Variants in RASSF4 observed in about 807,000 individuals in gnomAD.
RASSF4 encodes Ras association domain family member 4.
Under a neutral mutation model 41.1 loss-of-function variants are expected in RASSF4, and 38 were observed. The observed-to-expected ratio is 0.92, with a 90% CI of 0.71 to 1.21. RASSF4 has a LOEUF of 1.21. Ranked by LOEUF, RASSF4 falls within the 50% of genes most tolerant of loss-of-function variation. The pLI, the probability that RASSF4 is intolerant of heterozygous loss-of-function variation, is 0.00. For synonymous variants in RASSF4, 179 were observed against 163.4 expected (o/e 1.10, Z -0.73); for missense variants, 414 against 419.4 (o/e 0.99, Z 0.11).
chr10:44,978,106 C>A (rs893313383), intron 3 of RASSF4: 1 of 1,514,174 alleles, frequency 6.6e-7, no homozygotes, highest in African/African-American at 1.4e-5. Context: ...CGTCCCACCG[C>A]CCCTCAGCGT....
intron 3 of RASSF4, chr10:44,981,402 G>A (rs113172900): frequency 2.0e-5 from 3 of 152,326 alleles, no homozygotes; most frequent in African/African-American, 7.2e-5. Flanking sequence ...ATATGGGCTG[G>A]ACAACGTTGT....
intron 3 of RASSF4, among the ~76,000 whole-genome samples, chr10:44,973,957 T>C (rs573069158): frequency 6.6e-6 from 1 of 152,364 alleles, no homozygotes; most frequent in Admixed American, 6.5e-5. Flanking sequence ...CCGGTCTCCA[T>C]GGAGTCAGAA....
chr10:44,982,626 T>G lies in RASSF4; in HGVS notation c.244T>G (p.Ser82Ala). 1 of 1,613,346 alleles carries G rather than the reference T, an allele frequency of 6.2e-7. No homozygotes were observed. The highest frequency in any genetic ancestry group is 1.1e-5 in the South Asian group (1 of 91,020). The part of the protein sequence containing the change: ...QDDREQVHLP[S>A]TSWMPRRPSC... Reference sequence around the variant, plus strand: ...TGACCGGGAGCAGGTGCACCTCCCCTCCACCTCATGGATGCCCAGACGGCC... The same window carrying G: ...TGACCGGGAGCAGGTGCACCTCCCCGCCACCTCATGGATGCCCAGACGGCC... The change falls in exon 4 of 11, where the codon TCC becomes GCC. Residue 82 changes from serine to alanine, a missense_variant. Coordinates refer to ENST00000340258, the MANE Select transcript of RASSF4 (RefSeq NM_032023.4).
chr10:44,984,836 G>T lies in RASSF4; in HGVS notation c.397G>T (p.Ala133Ser), dbSNP rs201691089. Residue 133 changes from alanine (A) to serine (S), a missense_variant, in exon 6 of 11, where the codon GCC (alanine) becomes TCC (serine). Coordinates refer to ENST00000340258, the MANE Select transcript of RASSF4 (RefSeq NM_032023.4). ...SSGPLEEAEEAPQLMRTKSDA... is the reference protein window; with the variant it reads ...SSGPLEEAEESPQLMRTKSDA... ...AGGGCCCCTGGAGGAGGCAGAGGAG[G>T]CCCCCCAGCTGATGCGGACCAAGAG... is the stretch of plus-strand genomic sequence containing the variant. 1.4e-4 allele frequency: 225 copies of T among 1,613,604 alleles called. No homozygotes were observed. In the East Asian group the frequency reaches 3.4e-3, roughly 24 times the overall value.
At chr10:44,974,470 C>T (rs1841310496) in intron 3 of RASSF4, among the ~76,000 whole-genome samples, 1 of 152,242 alleles carries the variant, frequency 6.6e-6, no homozygotes, top group African/African-American at 2.4e-5. Flanking sequence ...AATACCGTTT[C>T]CATTAGGCTT....
At chr10:44,992,051 G>A (rs376446793) in intron 10 of RASSF4, 49 bp downstream of exon 10, 1 of 1,269,174 alleles carries the variant, frequency 7.9e-7, no homozygotes, top group African/African-American at 1.5e-5. Context: ...ATCAGGGCAG[G>A]TCTGCAAAGC....
At chr10:44,989,847 G>GCCCTAGCCCA in intron 8 of RASSF4, 126 bp downstream of exon 8, 8 of 826,306 alleles carry the variant, frequency 9.7e-6, no homozygotes, top group Non-Finnish European at 1.7e-5. Context: ...TGCCTAGTGG[G>GCCCTAGCCCA]CTAGGGCACA....
intron 1 of RASSF4, among the ~76,000 whole-genome samples, chr10:44,965,135 TG>T (rs1433923586): frequency 2.0e-5 from 3 of 152,238 alleles, no homozygotes; most frequent in African/African-American, 7.2e-5. Context: ...GGTGCATGCA[TG>T]GGAGCCTTCA....
At chr10:44,966,990 A>G (rs561206869) in intron 1 of RASSF4, among the ~76,000 whole-genome samples, 5 of 152,374 alleles carry the variant, frequency 3.3e-5, no homozygotes, top group African/African-American at 4.8e-5. Flanking sequence ...ATTTATAAAC[A>G]TATTTAAATA....
intron 1 of RASSF4, 70 bp from the exon 2 acceptor site, chr10:44,970,095 G>C: frequency 1.1e-6 from 1 of 876,832 alleles, no homozygotes; most frequent in Non-Finnish European, 1.9e-6. Context: ...CAGGGCTGCG[G>C]GTGTTGGGTG....
chr10:44,985,971 T>C (rs912588456), intron 6 of RASSF4, among the ~76,000 whole-genome samples: 8 of 152,200 alleles, frequency 5.3e-5, no homozygotes, highest in African/African-American at 1.9e-4. Flanking sequence ...TAGGCAGAGA[T>C]TAACAAAGGT....
chr10:44,960,075 T>A (rs1055303312), intron 1 of RASSF4, among the ~76,000 whole-genome samples: 3 of 152,186 alleles, frequency 2.0e-5, no homozygotes, highest in Non-Finnish European at 4.4e-5. Flanking sequence ...TGTTAAGCAA[T>A]TTAGGGGCTA....
chr10:44,971,330 A>AC (rs1841149282), intron 2 of RASSF4: 1 of 363,968 alleles, frequency 2.7e-6, no homozygotes, highest in Admixed American at 3.6e-5. Context: ...AGAAGCAGGC[A>AC]CCCCTCAGGG....
At chr10:44,972,335 G>A (rs1018359053) in intron 3 of RASSF4, among the ~76,000 whole-genome samples, 8 of 152,218 alleles carry the variant, frequency 5.3e-5, no homozygotes, top group Non-Finnish European at 1.2e-4. Flanking sequence ...TATAGGCTCA[G>A]ATGCTCACAG....
chr10:44,981,538 G>A (rs1767033118), intron 3 of RASSF4: 1 of 152,350 alleles, frequency 6.6e-6, no homozygotes, highest in Non-Finnish European at 1.5e-5. Flanking sequence ...ATGGCAATGA[G>A]AGAATGATAT....
intron 1 of RASSF4, among the ~76,000 whole-genome samples, chr10:44,968,433 G>T (rs1391150924): frequency 6.6e-6 from 1 of 152,174 alleles, no homozygotes; most frequent in Non-Finnish European, 1.5e-5. Context: ...AGGCCCTGAG[G>T]TGCCTAACTC....
chr10:44,989,242 C>A, intron 6 of RASSF4, 32 bp from the exon 7 acceptor site: 1 of 1,446,588 alleles, frequency 6.9e-7, no homozygotes, highest in South Asian at 1.2e-5. Context: ...CCCTCTGGGC[C>A]TGACCTGAAC....
intron 3 of RASSF4, chr10:44,977,524 C>T (rs758951455): frequency 6.2e-7 from 1 of 1,613,412 alleles, no homozygotes; most frequent in South Asian, 1.1e-5. Flanking sequence ...AGCTCTGCTG[C>T]CCATCCTGCG....
chr10:44,969,025 CATGTGTGT>C (rs1841024459), intron 1 of RASSF4, among the ~76,000 whole-genome samples: 1 of 149,372 alleles, frequency 6.7e-6, no homozygotes, highest in Non-Finnish European at 1.5e-5. Flanking sequence ...TGCATGTGAG[CATGTGTGT>C]ATGTGTTAAG....
Sources: allele counts gnomAD v4.1 joint callset (sites outside exome capture counted in the v4.1 genomes callset), GRCh38; gene constraint gnomAD v4.1.1; transcripts MANE v1.5; gene names NCBI Gene and HGNC (gene_info 2026-07-23, HGNC 2026-07-21).